DNAJC3: variants seen among roughly 807,000 people sequenced by gnomAD.
DNAJC3 encodes dnaJ homolog subfamily C member 3.
DNAJC3 carries 38 observed loss-of-function variants against 68.6 expected under a neutral mutation model. The observed-to-expected ratio is 0.55, with a 90% CI of 0.43 to 0.73. The LOEUF is 0.73. Ranked by LOEUF, DNAJC3 falls within the 30% of genes least tolerant of loss-of-function variation. The probability of loss-of-function intolerance (pLI) is 0.00; values close to 1 mark genes in which losing one functional copy is unlikely to be tolerated. For missense variants in DNAJC3, 526 were observed against 591.9 expected, an observed-to-expected ratio of 0.89 and a Z score of 1.16; for synonymous variants, 203 against 204.0, an observed-to-expected ratio of 1.00 and a Z score of 0.04.
At chr13:95,688,845 TCTGTTTATGTGGTGGACCA>T (rs1880138166) in intron 1 of DNAJC3, among the ~76,000 whole-genome samples, 1 of 152,112 alleles carries the variant, frequency 6.6e-6, no homozygotes, top group Admixed American at 6.5e-5. Context: ...TGTTTTTAAT[TCTGTTTATGTGGTGGACCA>T]CATATGTTTG....
chr13:95,722,613 TA>T (rs533131974), intron 2 of DNAJC3, among the ~76,000 whole-genome samples: 358 of 138,874 alleles, frequency 2.6e-3, no homozygotes, highest in South Asian at 4.8e-3. Flanking sequence ...TACAAAAAAT[TA>T]AAAAAAAAAA....
At chr13:95,685,359 C>A (rs552433462) in intron 1 of DNAJC3, among the ~76,000 whole-genome samples, 1 of 152,208 alleles carries the variant, frequency 6.6e-6, no homozygotes, top group Non-Finnish European at 1.5e-5. Flanking sequence ...TTCTTTTGGC[C>A]GGTTTTACCC....
intron 4 of DNAJC3, among the ~76,000 whole-genome samples, chr13:95,732,241 A>G (rs1335191978): frequency 2.0e-5 from 3 of 152,118 alleles, no homozygotes; most frequent in African/African-American, 7.2e-5. Flanking sequence ...TAATAATTTG[A>G]GGAGAGTTGG....
intron 4 of DNAJC3, among the ~76,000 whole-genome samples, chr13:95,726,435 G>A (rs1030680835): frequency 1.3e-5 from 2 of 152,132 alleles, no homozygotes; most frequent in Admixed American, 6.5e-5. Flanking sequence ...GTGATGATGA[G>A]CATTTTTTCA....
chr13:95,705,115 G>C (rs1300913753), intron 1 of DNAJC3, among the ~76,000 whole-genome samples: 1 of 152,046 alleles, frequency 6.6e-6, no homozygotes, highest in Non-Finnish European at 1.5e-5. Context: ...GCCTCCCAAA[G>C]TGCTGGGATT....
intron 4 of DNAJC3, among the ~76,000 whole-genome samples, chr13:95,739,812 CGTCAAA>C (rs1882063054): frequency 6.6e-6 from 1 of 152,186 alleles, no homozygotes; most frequent in African/African-American, 2.4e-5. Flanking sequence ...TCTCTCAGCT[CGTCAAA>C]GTCATTCTCC....
At chr13:95,708,425 C>A (rs1477864621) in intron 1 of DNAJC3, among the ~76,000 whole-genome samples, 1 of 152,158 alleles carries the variant, frequency 6.6e-6, no homozygotes, top group Admixed American at 6.5e-5. Context: ...ACTTCTTTGA[C>A]CTCATACTAC....
At chr13:95,759,338 G>C (rs1471731301) in intron 5 of DNAJC3, among the ~76,000 whole-genome samples, 1 of 152,114 alleles carries the variant, frequency 6.6e-6, no homozygotes, top group Non-Finnish European at 1.5e-5. Flanking sequence ...TAGAGACTGG[G>C]TCTCTCTCTG....
chr13:95,742,843 A>G (rs765017607), intron 4 of DNAJC3: 5 of 518,910 alleles, frequency 9.6e-6, no homozygotes, highest in Non-Finnish European at 1.9e-5. Context: ...TGTCATGTCT[A>G]AGAAGTATTC....
At chr13:95,693,209 G>A (rs1880328808) in intron 1 of DNAJC3, 1 of 152,174 alleles carries the variant, frequency 6.6e-6, no homozygotes, top group African/African-American at 2.4e-5. Context: ...TCTAAAAATA[G>A]GAGGACTATT....
intron 1 of DNAJC3, among the ~76,000 whole-genome samples, chr13:95,686,364 A>G (rs1266198016): frequency 6.6e-6 from 1 of 152,154 alleles, no homozygotes; most frequent in African/African-American, 2.4e-5. Flanking sequence ...ATAATTTGCA[A>G]ATGTTTTCTC....
At chr13:95,749,368 T>C (rs1452298859) in intron 4 of DNAJC3, among the ~76,000 whole-genome samples, 2 of 152,170 alleles carry the variant, frequency 1.3e-5, no homozygotes, top group Non-Finnish European at 2.9e-5. Flanking sequence ...TTCATCCCTC[T>C]TTGAGAGAGA....
intron 4 of DNAJC3, among the ~76,000 whole-genome samples, chr13:95,734,623 G>GT (rs1222899042): frequency 6.6e-6 from 1 of 152,008 alleles, no homozygotes; most frequent in Non-Finnish European, 1.5e-5. Flanking sequence ...TATCACTGTG[G>GT]TTTTCTCTTT....
chr13:95,723,451 G>T, intron 3 of DNAJC3, 85 bp downstream of exon 3: 1 of 1,434,212 alleles, frequency 7.0e-7, no homozygotes, highest in South Asian at 1.4e-5. Flanking sequence ...GGACTGGCAT[G>T]CTAGACATAG....
chr13:95,777,689 A>T (rs1438210181), intron 9 of DNAJC3, among the ~76,000 whole-genome samples: 1 of 152,210 alleles, frequency 6.6e-6, no homozygotes, highest in Non-Finnish European at 1.5e-5. Flanking sequence ...ATATTGACAG[A>T]ATTGAAGCAA....
chr13:95,694,612 A>T (rs1206624005), intron 1 of DNAJC3: 3 of 152,632 alleles, frequency 2.0e-5, no homozygotes, highest in Non-Finnish European at 4.4e-5. Context: ...AAAATTATAA[A>T]TTATTCATTT....
chr13:95,680,381 TAA>T (rs1474937922), intron 1 of DNAJC3, among the ~76,000 whole-genome samples: 1 of 152,184 alleles, frequency 6.6e-6, no homozygotes. Flanking sequence ...AATATTGTGA[TAA>T]GTTTTATTTG....
rs1182320066 is a variant in DNAJC3, at chr13:95,726,087, G to A, written c.393+835G>A. Among the ~76,000 whole-genome samples, 4 of 151,874 alleles carry A rather than the reference G, an allele frequency of 2.6e-5. 1 individual carries two copies. The highest frequency in any genetic ancestry group is 6.8e-3 in the Middle Eastern group (2 of 294). On this transcript the variant is annotated intron_variant, in intron 4 of 11. Transcript: ENST00000602402. ...TCCAGTCTATCGTTGTTGGACATTTGGGTTGGTTCCAAGTCTTTGCTATTG... is the reference window on the plus strand; with the variant it reads ...TCCAGTCTATCGTTGTTGGACATTTAGGTTGGTTCCAAGTCTTTGCTATTG...
chr13:95,773,764 A>C (rs1383887116), intron 9 of DNAJC3, among the ~76,000 whole-genome samples: 1 of 117,036 alleles, frequency 8.5e-6, no homozygotes, highest in African/African-American at 3.4e-5. Context: ...TTGAGACAGA[A>C]TCTTGCTCTG....
Sources: gnomAD v4.1 joint callset for allele counts (sites outside exome capture counted in the v4.1 genomes callset) on GRCh38, gnomAD v4.1.1 for gene constraint, MANE v1.5 for transcripts, NCBI Gene and HGNC (gene_info 2026-07-23, HGNC 2026-07-21) for gene names.